Variants in METTL15 observed in about 807,000 individuals in gnomAD.
METTL15 encodes 12S rRNA N(4)-cytidine methyltransferase METTL15.
METTL15 carries 34 observed loss-of-function variants against 38.3 expected under a neutral mutation model. The ratio of observed to expected loss-of-function variants is 0.89; its 90% CI spans 0.68 to 1.18. The LOEUF (loss-of-function observed/expected upper bound fraction) is 1.18. Ranked by LOEUF, METTL15 falls within the 50% of genes most tolerant of loss-of-function variation. METTL15 has a pLI of 0.00. For missense variants in METTL15, 438 were observed against 498.4 expected (o/e 0.88, Z 1.15); for synonymous variants, 162 against 170.9 (o/e 0.95, Z 0.41).
intron 5 of METTL15, among the ~76,000 whole-genome samples, chr11:28,376,210 C>T (rs1043615217): frequency 2.0e-5 from 3 of 151,230 alleles, no homozygotes; most frequent in African/African-American, 7.3e-5. Flanking sequence ...GAGTTCAATT[C>T]GTGGGTATCC....
chr11:28,345,555 A>G (rs1180950188), intron 3 of METTL15, among the ~76,000 whole-genome samples: 1 of 152,212 alleles, frequency 6.6e-6, no homozygotes, highest in African/African-American at 2.4e-5. Context: ...TCTAGCTTGA[A>G]GAAAAAGGAG....
intron 4 of METTL15, among the ~76,000 whole-genome samples, chr11:28,266,894 T>C (rs1178405081): frequency 1.3e-5 from 2 of 152,160 alleles, no homozygotes; most frequent in Admixed American, 6.5e-5. Flanking sequence ...GCGTGGTGGC[T>C]CATGCCTATA....
At chr11:28,246,241 C>G (rs1444467360) in intron 4 of METTL15, among the ~76,000 whole-genome samples, 2 of 151,922 alleles carry the variant, frequency 1.3e-5, no homozygotes, top group African/African-American at 4.8e-5. Context: ...GATAATTACC[C>G]TAATTTCATC....
intron 6 of METTL15, among the ~76,000 whole-genome samples, chr11:28,461,801 T>A (rs770474466): frequency 5.3e-5 from 8 of 152,096 alleles, no homozygotes; most frequent in Non-Finnish European, 7.4e-5. Context: ...TATGTAGTGA[T>A]CAAGTCAGGG....
intron 3 of METTL15, among the ~76,000 whole-genome samples, chr11:28,117,871 GC>G (rs1243546360): frequency 6.6e-6 from 1 of 152,102 alleles, no homozygotes; most frequent in East Asian, 1.9e-4. Context: ...TTCTTCCTGA[GC>G]CTTTTCCCCA....
chr11:28,300,937 T>C (rs1390079311), intron 6 of METTL15, among the ~76,000 whole-genome samples: 1 of 152,174 alleles, frequency 6.6e-6, no homozygotes, highest in Non-Finnish European at 1.5e-5. Flanking sequence ...GTCATCTAGC[T>C]TTAGCCTCTT....
chr11:28,243,541 CTGTTT>C (rs908983766), intron 4 of METTL15, among the ~76,000 whole-genome samples: 5 of 152,064 alleles, frequency 3.3e-5, no homozygotes, highest in African/African-American at 9.7e-5. Flanking sequence ...GAAAACTGTT[CTGTTT>C]TATTTTTCTT....
chr11:28,204,849 G>A (rs538351306), intron 3 of METTL15, among the ~76,000 whole-genome samples: 1 of 151,938 alleles, frequency 6.6e-6, no homozygotes, highest in East Asian at 1.9e-4. Flanking sequence ...ATTTCTTTAC[G>A]ATTATACAGG....
At chr11:28,327,145 G>A (rs2134057743) in intron 6 of METTL15, among the ~76,000 whole-genome samples, 1 of 152,222 alleles carries the variant, frequency 6.6e-6, no homozygotes, top group South Asian at 2.1e-4. Flanking sequence ...AAAACACATT[G>A]CTCATTGCAG....
chr11:28,144,070 C>T (rs983175191), intron 3 of METTL15, among the ~76,000 whole-genome samples: 1 of 152,182 alleles, frequency 6.6e-6, no homozygotes, highest in African/African-American at 2.4e-5. Flanking sequence ...TAGACTCTAA[C>T]CTCTGGGAGG....
intron 6 of METTL15, among the ~76,000 whole-genome samples, chr11:28,439,924 A>G (rs1269945830): frequency 6.6e-6 from 1 of 152,174 alleles, no homozygotes; most frequent in African/African-American, 2.4e-5. Context: ...CTTGGCATCA[A>G]TTTTGGCATT....
intron 3 of METTL15, among the ~76,000 whole-genome samples, chr11:28,160,560 A>T (rs1850420931): frequency 6.6e-6 from 1 of 152,036 alleles, no homozygotes; most frequent in Non-Finnish European, 1.5e-5. Context: ...TGCTGAGTTT[A>T]TTTTTTGTGT....
chr11:28,472,030 G>C (rs2133465049), intron 6 of METTL15, among the ~76,000 whole-genome samples: 1 of 152,232 alleles, frequency 6.6e-6, no homozygotes, highest in South Asian at 2.1e-4. Flanking sequence ...GTCCAGCTGG[G>C]ATTCCTGCTA....
intron 6 of METTL15, among the ~76,000 whole-genome samples, chr11:28,309,736 A>G (rs1211060596): frequency 6.6e-6 from 1 of 152,132 alleles, no homozygotes; most frequent in Non-Finnish European, 1.5e-5. Flanking sequence ...CCTGCGTTTT[A>G]TGATGCTACA....
chr11:28,239,116 A>T (rs1234232146), intron 4 of METTL15, among the ~76,000 whole-genome samples: 2 of 151,884 alleles, frequency 1.3e-5, no homozygotes, highest in East Asian at 3.9e-4. Context: ...AGCTGTAAAA[A>T]CTATCTACAC....
intron 4 of METTL15, among the ~76,000 whole-genome samples, chr11:28,269,003 T>G (rs981221017): frequency 6.6e-6 from 1 of 152,224 alleles, no homozygotes; most frequent in Non-Finnish European, 1.5e-5. Flanking sequence ...ATCTATCACT[T>G]CTGTTACATT....
At chr11:28,176,534 T>G (rs1851082031) in intron 3 of METTL15, among the ~76,000 whole-genome samples, 1 of 152,154 alleles carries the variant, frequency 6.6e-6, no homozygotes, top group Non-Finnish European at 1.5e-5. Flanking sequence ...GTTAAATCAG[T>G]TAATATTAGG....
At chr11:28,367,815 TG>T (rs1850201279) in intron 5 of METTL15, among the ~76,000 whole-genome samples, 1 of 152,050 alleles carries the variant, frequency 6.6e-6, no homozygotes, top group African/African-American at 2.4e-5. Flanking sequence ...ATCTGATCTT[TG>T]AAAAACCTGA....
intron 3 of METTL15, among the ~76,000 whole-genome samples, chr11:28,177,958 C>G (rs1851137722): frequency 6.6e-6 from 1 of 151,900 alleles, no homozygotes; most frequent in South Asian, 2.1e-4. Flanking sequence ...AAGACAGTTA[C>G]TCTTATTATA....
Sources: allele counts gnomAD v4.1 joint callset (sites outside exome capture counted in the v4.1 genomes callset), GRCh38; gene constraint gnomAD v4.1.1; transcripts MANE v1.5; gene names NCBI Gene and HGNC (gene_info 2026-07-23, HGNC 2026-07-21).